Variants in AFAP1 observed in about 807,000 individuals in gnomAD.
The protein encoded by AFAP1 is actin filament associated protein 1.
A neutral mutation model predicts 93.9 loss-of-function variants in AFAP1; 75 were observed. The ratio of observed to expected loss-of-function variants is 0.80; its 90% CI spans 0.66 to 0.97. The LOEUF is 0.97. AFAP1 is among the 50% of genes least tolerant of loss of function. AFAP1 has a pLI of 0.00. For synonymous variants in AFAP1, 517 were observed against 430.7 expected, an observed-to-expected ratio of 1.20 and a Z score of -2.48; for missense variants, 1,201 against 1,050.8, an observed-to-expected ratio of 1.14 and a Z score of -1.98.
chr4:7,907,719 A>C (rs1256619818), intron 1 of AFAP1, among the ~76,000 whole-genome samples: 1 of 152,194 alleles, frequency 6.6e-6, no homozygotes, highest in Non-Finnish European at 1.5e-5. Context: ...AGCAAGTATA[A>C]TACATATTCA....
intron 4 of AFAP1, among the ~76,000 whole-genome samples, chr4:7,846,131 G>A (rs974997814): frequency 2.6e-5 from 4 of 152,328 alleles, no homozygotes; most frequent in South Asian, 2.1e-4. Context: ...TGGACAGGAC[G>A]TGAGCGAGGC....
At chr4:7,764,839 T>C (rs1288989409) in intron 17 of AFAP1, among the ~76,000 whole-genome samples, 1 of 152,126 alleles carries the variant, frequency 6.6e-6, no homozygotes, top group African/African-American at 2.4e-5. Context: ...GCAGGGCTCA[T>C]GCCTGGAATC....
At chr4:7,908,588 A>G (rs1719557812) in intron 1 of AFAP1, among the ~76,000 whole-genome samples, 1 of 152,242 alleles carries the variant, frequency 6.6e-6, no homozygotes, top group African/African-American at 2.4e-5. Context: ...CTAGATTATC[A>G]TCTATTAATA....
intron 1 of AFAP1, among the ~76,000 whole-genome samples, chr4:7,885,175 C>T (rs941235144): frequency 3.9e-5 from 6 of 152,172 alleles, no homozygotes; most frequent in African/African-American, 1.4e-4. Context: ...TTCTCCGGAT[C>T]CTGTATAAAA....
At chr4:7,912,673 G>A (rs6843482) in intron 1 of AFAP1, among the ~76,000 whole-genome samples, 133,762 of 151,866 alleles carry the variant, frequency 0.88, 59,152 homozygotes, top group African/African-American at 0.96. Flanking sequence ...TATTACAGAT[G>A]TAAGTCCTTT....
chr4:7,784,138 G>T (rs911376162), intron 12 of AFAP1, among the ~76,000 whole-genome samples: 1 of 152,148 alleles, frequency 6.6e-6, no homozygotes, highest in Non-Finnish European at 1.5e-5. Context: ...CCTACCCAGG[G>T]GTGGAGTGCT....
rs954813050 is a variant in AFAP1, at chr4:7,836,778, T to A, written c.726+1746A>T. ...AGTGTTCTTTTTGGAGCGACGAAAT[T>A]CAGCATCTAGACTATGGTGATGGCT... is the stretch of plus-strand genomic sequence containing the variant. On this transcript the variant is annotated intron_variant, in intron 6 of 17. Coordinates refer to ENST00000420658, the MANE Select transcript of AFAP1 (RefSeq NM_001134647.2). Among the ~76,000 whole-genome samples the A allele has an allele frequency of 3.9e-5, 6 of 151,940 alleles. No homozygotes were observed. In the East Asian group the frequency reaches 9.7e-4, roughly 25 times the overall value.
In AFAP1 at chr4:7,781,593, C is replaced by CT. The variant is rs1716779437; in HGVS notation, c.1564dup (p.Ser522LysfsTer11). On this transcript the variant is annotated frameshift_variant, in exon 13 of 18. Coordinates refer to ENST00000420658, the MANE Select transcript of AFAP1 (RefSeq NM_001134647.2). LOFTEE classifies it high-confidence loss of function. ...AAGCACCTCTTCTCCCAAGCCTCTGCTGCAGGAAGCAGGAAAGCCGTCTTC... is the reference window on the plus strand; with the variant it reads ...AAGCACCTCTTCTCCCAAGCCTCTGCTTGCAGGAAGCAGGAAAGCCGTCTTC... 6.4e-7 allele frequency: 1 copy of CT among 1,551,726 alleles called. No individual in the cohort carries two copies. The highest frequency in any genetic ancestry group is 2.0e-5 in the Admixed American group (1 of 50,986).
In AFAP1 at chr4:7,838,546, T is replaced by C; in HGVS notation, c.704A>G (p.Glu235Gly). The C allele has an allele frequency of 6.2e-7, 1 of 1,613,996 alleles. No individual in the cohort carries two copies. The highest frequency in any genetic ancestry group is 8.5e-7 in the Non-Finnish European group (1 of 1,179,922). ...TACCTTCAGCCACTGCTCGGCCTGT[T>C]CCTTGCTCTGGACGGCGAGAACAAG... ...DPLVLAVQSK[E>G]QAEQWLKVIK... is the part of the protein sequence containing the mutation. The change falls in exon 6 of 18, where the codon GAA becomes GGA. Residue 235 changes from glutamate to glycine, a missense_variant. Transcript: ENST00000420658.
At chr4:7,857,692 T>C (rs916043535) in intron 3 of AFAP1, among the ~76,000 whole-genome samples, 20 of 152,368 alleles carry the variant, frequency 1.3e-4, no homozygotes, top group African/African-American at 4.8e-4. Flanking sequence ...CTTGATTCAC[T>C]GAGTATCTTT....
chr4:7,853,498 G>A (rs888571342), intron 4 of AFAP1, among the ~76,000 whole-genome samples: 6 of 152,154 alleles, frequency 3.9e-5, no homozygotes, highest in African/African-American at 1.4e-4. Flanking sequence ...GCTCCCGTCT[G>A]TCTGTCCCTC....
At chr4:7,929,280 C>G (rs1353755183) in intron 1 of AFAP1, among the ~76,000 whole-genome samples, 1 of 152,154 alleles carries the variant, frequency 6.6e-6, no homozygotes, top group Non-Finnish European at 1.5e-5. Context: ...AACAGGTGGA[C>G]ACACAGGCTC....
chr4:7,781,254 A>G, intron 13 of AFAP1, 122 bp downstream of exon 13: 1 of 1,232,852 alleles, frequency 8.1e-7, no homozygotes, highest in Non-Finnish European at 1.1e-6. Flanking sequence ...ATTCTAGTTG[A>G]GAAAAAAAAA....
intron 10 of AFAP1, among the ~76,000 whole-genome samples, chr4:7,796,888 CG>C (rs1718477946): frequency 7.2e-6 from 1 of 139,776 alleles, no homozygotes; most frequent in South Asian, 2.4e-4. Context: ...GGTGAAACCC[CG>C]TCTCTACTAA....
chr4:7,798,197 T>C (rs1285307304), intron 10 of AFAP1, among the ~76,000 whole-genome samples: 4 of 123,040 alleles, frequency 3.3e-5, no homozygotes, highest in Admixed American at 8.3e-5. Flanking sequence ...GCAACTCTAT[T>C]GGCTGGCTCA....
In AFAP1 at chr4:7,781,451, G is replaced by C; in HGVS notation, c.1707C>G (p.Tyr569Ter). 4 of 1,552,144 alleles carry C rather than the reference G, an allele frequency of 2.6e-6. No individual in the cohort carries two copies. Among genetic ancestry groups the C allele is most frequent in the Non-Finnish European group, 3.5e-6 (4 of 1,147,090 alleles). ...LSADKLSSNHYKYPASAQSVT... is the reference protein window; with the variant it reads ...LSADKLSSNH ...CAGACTGAGCGGAGGCAGGGTATTT[G>C]TAATGGTTAGAGGACAGCTTGTCAG... is the stretch of plus-strand genomic sequence containing the variant. Residue 569 changes from tyrosine to a stop codon, truncating the protein, a stop_gained, in exon 13 of 18, where the codon TAC becomes TAG. Transcript: ENST00000420658. LOFTEE classifies it high-confidence loss of function.
Position 7,793,838 on chromosome 4 carries a change from G to C in AFAP1, c.1267-12C>G, listed in dbSNP as rs139117623. 3.0e-4 allele frequency: 447 copies of C among 1,511,246 alleles called. 1 individual carries two copies. The African/African-American group carries it at 5.8e-3, about 19-fold the overall frequency. The allele number at this position is 1,511,246 out of a possible 1,614,324, so 93.6% of individuals were successfully genotyped here. ...TCAGAAGAAGATGCCTGTTGAAGTG[G>C]GAAAAAAGGTAGGCTGTATTTAACT... On this transcript the variant is annotated splice_polypyrimidine_tract_variant and intron_variant, in intron 10 of 17. Coordinates refer to ENST00000420658, the MANE Select transcript of AFAP1 (RefSeq NM_001134647.2).
At chr4:7,869,121 GAA>G (rs755891908) in intron 2 of AFAP1, among the ~76,000 whole-genome samples, 4 of 136,072 alleles carry the variant, frequency 2.9e-5, no homozygotes, top group Non-Finnish European at 6.3e-5. Flanking sequence ...GAAACGGAAA[GAA>G]AAGAGAAAAA....
At chr4:7,902,964 A>T (rs922261397) in intron 1 of AFAP1, among the ~76,000 whole-genome samples, 4 of 152,186 alleles carry the variant, frequency 2.6e-5, no homozygotes, top group African/African-American at 7.2e-5. Flanking sequence ...TTTCCTGAAG[A>T]GGTTATCTTG....
Sources: gnomAD v4.1 joint callset for allele counts (sites outside exome capture counted in the v4.1 genomes callset) on GRCh38, gnomAD v4.1.1 for gene constraint, MANE v1.5 for transcripts, NCBI Gene and HGNC (gene_info 2026-07-23, HGNC 2026-07-21) for gene names.